RNF24: variants seen among roughly 807,000 people sequenced by gnomAD.
RNF24 encodes the protein ring finger protein 24.
Under a neutral mutation model 20.0 loss-of-function variants are expected in RNF24, and 14 were observed. The ratio of observed to expected loss-of-function variants is 0.70; its 90% CI spans 0.46 to 1.10. The LOEUF (loss-of-function observed/expected upper bound fraction) is 1.10. RNF24 is among the 50% of genes least tolerant of loss of function. The pLI is 0.00. For missense variants in RNF24, 124 were observed against 177.6 expected (o/e 0.70, Z 1.71); for synonymous variants, 45 against 61.1 (o/e 0.74, Z 1.23).
At position 3,947,061 on chromosome 20, in the gene RNF24, G is replaced by A. The variant is rs1397691132; in HGVS notation, c.186+1176C>T. On this transcript the variant is annotated intron_variant, in intron 3 of 5. Transcript: ENST00000358395. ...CAAAAATTAGCTGGGCGTTGTGGCA[G>A]ATAGATGGCTGTCGTCCCAGCTACT... Among the ~76,000 whole-genome samples the A allele has an allele frequency of 4.6e-5, 7 of 152,114 alleles. No homozygotes were observed. In the East Asian group the frequency reaches 1.2e-3, roughly 25 times the overall value.
At position 3,950,769 on chromosome 20, in the gene RNF24, G is replaced by A. The variant is rs531069588; in HGVS notation, c.144-2490C>T. Among the ~76,000 whole-genome samples the A allele has an allele frequency of 3.0e-4, 46 of 152,236 alleles. 1 individual carries two copies. Among genetic ancestry groups the A allele is most frequent in the Admixed American group, 6.5e-4 (10 of 15,294 alleles). ...TATGTCCACATTTTATACAACCATA[G>A]TACAATTATCAAAACCATTAAATTA... is the stretch of plus-strand genomic sequence containing the variant. On this transcript the variant is annotated intron_variant, in intron 2 of 5. Transcript: ENST00000358395.
chr20:3,931,440 G>A lies in RNF24; in HGVS notation c.*2623C>T, dbSNP rs868388635. On this transcript the variant is annotated 3_prime_UTR_variant, in exon 6 of 6. Transcript: ENST00000358395. ...ACTGTCTTTCAAACAAAAACCCTGC[G>A]ATTTTAATGAGAATTAAAGGAGGAT... is the stretch of plus-strand genomic sequence containing the variant. The A allele has an allele frequency of 2.0e-5, 3 of 152,286 alleles. No individual in the cohort carries two copies. The highest frequency in any genetic ancestry group is 1.9e-4 in the East Asian group (1 of 5,190). 9.4% of individuals were successfully genotyped at this position (152,286 alleles called of 1,614,324 possible).
chr20:3,957,457 CAA>C (rs71195873), intron 2 of RNF24, among the ~76,000 whole-genome samples: 8 of 94,548 alleles, frequency 8.5e-5, no homozygotes, highest in Admixed American at 2.2e-4. Flanking sequence ...GACCCTGTCT[CAA>C]AAAAAAAAAA....
chr20:4,012,954 T>C (rs1281897733), intron 1 of RNF24, among the ~76,000 whole-genome samples: 2 of 152,172 alleles, frequency 1.3e-5, no homozygotes, highest in Admixed American at 1.3e-4. Flanking sequence ...GACAGGCAGT[T>C]TATAAATGTA....
At chr20:3,945,378 G>T (rs1424064943) in intron 3 of RNF24, among the ~76,000 whole-genome samples, 160 bp from the exon 4 acceptor site, 2 of 151,956 alleles carry the variant, frequency 1.3e-5, no homozygotes, top group Non-Finnish European at 2.9e-5. Context: ...GATCATTTTA[G>T]CAACATTTTT....
At position 4,003,935 on chromosome 20, in the gene RNF24, A is replaced by G. The variant is rs944971871; in HGVS notation, c.-8+11502T>C. Among the ~76,000 whole-genome samples, 24 of 152,048 alleles carry G rather than the reference A, an allele frequency of 1.6e-4. 1 individual carries two copies. Among genetic ancestry groups the G allele is most frequent in the African/African-American group, 5.8e-4 (24 of 41,514 alleles). On this transcript the variant is annotated intron_variant, in intron 1 of 5. Coordinates refer to ENST00000358395, the MANE Select transcript of RNF24 (RefSeq NM_001134337.3). ...GTTGGGATTACAGGCGTGAGCCACC[A>G]CGCCTGGCCAGAAACTCTTATAATA...
chr20:4,003,177 G>C (rs1468270024), intron 1 of RNF24, among the ~76,000 whole-genome samples: 1 of 152,100 alleles, frequency 6.6e-6, no homozygotes, highest in Admixed American at 6.6e-5. Context: ...CACCATCTGG[G>C]ACAGGCTGGT....
In RNF24 at chr20:3,974,238, C is replaced by T. The variant is rs530928427; in HGVS notation, c.-7-10214G>A. 9.2e-6 allele frequency: 12 copies of T among 1,300,580 alleles called. No homozygotes were observed. In the African/African-American group the frequency reaches 1.8e-4, roughly 19 times the overall value. The allele number at this position is 1,300,580 out of a possible 1,614,324, so 80.6% of individuals were successfully genotyped here. On this transcript the variant is annotated intron_variant, in intron 1 of 5. Transcript: ENST00000358395. ...ACTTCTTCAACATGTTAAAAAGCATCTACAAAAAACAAACCGGCAAAAACC... is the reference window on the plus strand; with the variant it reads ...ACTTCTTCAACATGTTAAAAAGCATTTACAAAAAACAAACCGGCAAAAACC...
At position 3,985,122 on chromosome 20, in the gene RNF24, C is replaced by T. The variant is rs143218294; in HGVS notation, c.-7-21098G>A. Among the ~76,000 whole-genome samples the T allele has an allele frequency of 3.1e-3, 469 of 152,286 alleles. 2 individuals are homozygous for T. The highest frequency in any genetic ancestry group is 5.4e-3 in the Non-Finnish European group (366 of 68,012). ...TTGTCTATTCCATCTATGTTTTAAT[C>T]GGGATCTTTCCATTTAGCCTTAATT... On this transcript the variant is annotated intron_variant, in intron 1 of 5. Coordinates refer to ENST00000358395, the MANE Select transcript of RNF24 (RefSeq NM_001134337.3).
At chr20:3,974,063 TAAA>T (rs151190219) in intron 1 of RNF24, among the ~76,000 whole-genome samples, 1 of 140,546 alleles carries the variant, frequency 7.1e-6, no homozygotes, top group South Asian at 2.2e-4. Flanking sequence ...GGCTTAATAT[TAAA>T]AAAAAAAAAA....
In RNF24 at chr20:3,931,413, G is replaced by GGAC. The variant is rs2090821249; in HGVS notation, c.*2647_*2649dup. 6.6e-6 allele frequency: 1 copy of GGAC among 152,142 alleles called. No homozygotes were observed. The highest frequency in any genetic ancestry group is 1.5e-5 in the Non-Finnish European group (1 of 68,024). 9.4% of individuals were successfully genotyped at this position (152,142 alleles called of 1,614,324 possible). A position where few individuals can be genotyped will look rare whatever the true frequency, so the allele number is the denominator to read the frequency against. On this transcript the variant is annotated 3_prime_UTR_variant, in exon 6 of 6. Transcript: ENST00000358395. Reference sequence around the variant, plus strand: ...TCCTTTTTCAAAATAAATAAAAAAAGGACTGTCTTTCAAACAAAAACCCTG... The same window carrying GGAC: ...TCCTTTTTCAAAATAAATAAAAAAAGGACGACTGTCTTTCAAACAAAAACCCTG...
intron 1 of RNF24, among the ~76,000 whole-genome samples, chr20:3,965,716 T>C (rs942866258): frequency 6.6e-6 from 1 of 152,234 alleles, no homozygotes; most frequent in African/African-American, 2.4e-5. Context: ...AACTTTCATA[T>C]TGCTGACAGG....
chr20:3,972,004 A>G (rs1399550404), intron 1 of RNF24, among the ~76,000 whole-genome samples: 1 of 152,210 alleles, frequency 6.6e-6, no homozygotes, highest in African/African-American at 2.4e-5. Context: ...GAGTGGCTAT[A>G]TTAACATCAA....
chr20:3,954,803 G>A (rs2091122841), intron 2 of RNF24, among the ~76,000 whole-genome samples: 1 of 151,818 alleles, frequency 6.6e-6, no homozygotes, highest in Admixed American at 6.6e-5. Context: ...GGAGGCTGAG[G>A]CAGGAGAATT....
intron 1 of RNF24, among the ~76,000 whole-genome samples, chr20:3,990,709 C>T (rs1600700863): frequency 6.6e-6 from 1 of 151,822 alleles, no homozygotes; most frequent in African/African-American, 2.4e-5. Context: ...TACACACACA[C>T]ATATATATAT....
At chr20:4,001,027 G>A (rs1981343081) in intron 1 of RNF24, among the ~76,000 whole-genome samples, 1 of 152,118 alleles carries the variant, frequency 6.6e-6, no homozygotes, top group Non-Finnish European at 1.5e-5. Flanking sequence ...AGCACTTTGG[G>A]AGGCCGAGGC....
In RNF24 at chr20:3,933,175, G is replaced by A. The variant is rs923437529; in HGVS notation, c.*888C>T. 6 of 393,284 alleles carry A rather than the reference G, an allele frequency of 1.5e-5. No homozygotes were observed. Among genetic ancestry groups the A allele is most frequent in the East Asian group, 3.6e-5 (1 of 27,528 alleles). 24.4% of individuals were successfully genotyped at this position (393,284 alleles called of 1,614,324 possible). ...GGGTCGGCATTCCCTTCATCCAGCCGGGCCAGAAGTATGGGCCATTCTCAA... is the reference window on the plus strand; with the variant it reads ...GGGTCGGCATTCCCTTCATCCAGCCAGGCCAGAAGTATGGGCCATTCTCAA... On this transcript the variant is annotated 3_prime_UTR_variant, in exon 6 of 6. Transcript: ENST00000358395.
At chr20:3,938,781 C>T (rs1054123691) in intron 4 of RNF24, among the ~76,000 whole-genome samples, 13 of 152,108 alleles carry the variant, frequency 8.5e-5, no homozygotes, top group African/African-American at 2.9e-4. Flanking sequence ...CTCTGTCACC[C>T]AGGCTGGAGT....
At chr20:3,969,142 AG>A (rs1408320116) in intron 1 of RNF24, among the ~76,000 whole-genome samples, 1 of 152,172 alleles carries the variant, frequency 6.6e-6, no homozygotes, top group Non-Finnish European at 1.5e-5. Context: ...ACACACGAAA[AG>A]CACTTAAAGC....
Sources: allele counts gnomAD v4.1 joint callset (sites outside exome capture counted in the v4.1 genomes callset), GRCh38; gene constraint gnomAD v4.1.1; transcripts MANE v1.5; gene names NCBI Gene and HGNC (gene_info 2026-07-23, HGNC 2026-07-21).